The following GUCY2C variants were observed in gnomAD, a reference collection of about 807,000 sequenced individuals.
GUCY2C encodes the protein guanylyl cyclase C.
Under a neutral mutation model 131.1 loss-of-function variants are expected in GUCY2C, and 118 were observed. The ratio of observed to expected loss-of-function variants is 0.90; its 90% CI spans 0.78 to 1.05. The LOEUF (loss-of-function observed/expected upper bound fraction) is 1.05. Among genes scored for constraint, GUCY2C ranks in the 50% least tolerant of loss-of-function variants. The probability of loss-of-function intolerance (pLI) is 0.00; values close to 1 mark genes in which losing one functional copy is unlikely to be tolerated. For synonymous variants in GUCY2C, 452 were observed against 457.8 expected, an observed-to-expected ratio of 0.99 and a Z score of 0.16; for missense variants, 1,161 against 1,304.4, an observed-to-expected ratio of 0.89 and a Z score of 1.69.
At chr12:14,656,735 G>C (rs1947770373) in intron 11 of GUCY2C, 118 bp from the exon 12 acceptor site, 1 of 538,938 alleles carries the variant, frequency 1.9e-6, no homozygotes, top group African/African-American at 1.9e-5. Flanking sequence ...GTGAGGGAAG[G>C]TAGCCCAATG....
intron 23 of GUCY2C, among the ~76,000 whole-genome samples, chr12:14,620,822 A>T (rs1437057117): frequency 1.3e-5 from 2 of 152,320 alleles, no homozygotes; most frequent in African/African-American, 4.8e-5. Flanking sequence ...TTATCATGTC[A>T]GCAGTCAGTG....
intron 19 of GUCY2C, among the ~76,000 whole-genome samples, chr12:14,629,442 T>C (rs1947096605): frequency 6.6e-6 from 1 of 152,182 alleles, no homozygotes; most frequent in African/African-American, 2.4e-5. Flanking sequence ...ACTCAGACCT[T>C]AGTTGTAGAT....
chr12:14,629,157 G>C (rs1052828778), intron 19 of GUCY2C, among the ~76,000 whole-genome samples: 1 of 152,054 alleles, frequency 6.6e-6, no homozygotes, highest in African/African-American at 2.4e-5. Flanking sequence ...TGTAACAAAA[G>C]CCCACCAAGA....
chr12:14,624,882 C>T (rs1439918500), intron 21 of GUCY2C, among the ~76,000 whole-genome samples: 2 of 152,202 alleles, frequency 1.3e-5, no homozygotes. Flanking sequence ...GCCAATGAAA[C>T]CCTGGGAAGG....
intron 1 of GUCY2C, among the ~76,000 whole-genome samples, chr12:14,695,000 A>G (rs971187023): frequency 6.6e-6 from 1 of 152,132 alleles, no homozygotes; most frequent in Non-Finnish European, 1.5e-5. Context: ...TATCCCCCAA[A>G]TTAGGTAATT....
intron 7 of GUCY2C, among the ~76,000 whole-genome samples, chr12:14,675,907 C>T (rs755243198): frequency 1.2e-4 from 18 of 152,206 alleles, no homozygotes; most frequent in Non-Finnish European, 1.9e-4. Flanking sequence ...GAAAACATTT[C>T]ATGAGGTAAA....
At position 14,652,007 on chromosome 12, in the gene GUCY2C, C is replaced by T; in HGVS notation, c.1557G>A (p.Lys519=). Residue 519 remains lysine (K), a synonymous_variant, in exon 14 of 27, where the codon AAG becomes AAA. Coordinates refer to ENST00000261170, the MANE Select transcript of GUCY2C (RefSeq NM_004963.4). ...TTTCAGTGAAATTACCATCATTGTGCTTGAGATCTTTGAGAATCACTCGCT... is the reference window on the plus strand; with the variant it reads ...TTTCAGTGAAATTACCATCATTGTGTTTGAGATCTTTGAGAATCACTCGCT... ...DKKRVILKDL[K]HNDGNFTEKQ... is the part of the protein sequence containing the mutation. 6.2e-7 allele frequency: 1 copy of T among 1,602,822 alleles called. No individual in the cohort carries two copies. The highest frequency in any genetic ancestry group is 8.5e-7 in the Non-Finnish European group (1 of 1,170,226).
intron 8 of GUCY2C, chr12:14,674,292 A>C: frequency 2.9e-6 from 1 of 345,240 alleles, no homozygotes; most frequent in Non-Finnish European, 5.6e-6. Flanking sequence ...CCCAAATCAA[A>C]CTGCAAATGT....
chr12:14,652,306 C>G (rs1947678779), intron 13 of GUCY2C, among the ~76,000 whole-genome samples: 1 of 152,170 alleles, frequency 6.6e-6, no homozygotes, highest in African/African-American at 2.4e-5. Context: ...TCCCCAGTAG[C>G]TGGGACTACA....
intron 15 of GUCY2C, among the ~76,000 whole-genome samples, chr12:14,650,727 G>A (rs544040221): frequency 1.3e-5 from 2 of 152,192 alleles, no homozygotes; most frequent in South Asian, 4.1e-4. Context: ...ATAGTTAATG[G>A]CTTAATGTGT....
chr12:14,630,941 G>GAGGA (rs1256444602), intron 19 of GUCY2C, among the ~76,000 whole-genome samples: 3 of 152,200 alleles, frequency 2.0e-5, no homozygotes, highest in African/African-American at 7.2e-5. Flanking sequence ...AGGATATGCT[G>GAGGA]ATTGTGTGGA....
At chr12:14,652,243 C>T (rs1267394675) in intron 13 of GUCY2C, among the ~76,000 whole-genome samples, 1 of 152,014 alleles carries the variant, frequency 6.6e-6, no homozygotes, top group Non-Finnish European at 1.5e-5. Flanking sequence ...GGTGCAATCT[C>T]AGCTCACTTC....
chr12:14,696,211 A>G, intron 1 of GUCY2C, 21 bp downstream of exon 1: 2 of 1,577,736 alleles, frequency 1.3e-6, no homozygotes. Flanking sequence ...GTGGAGGAAG[A>G]TTCTATTAAC....
rs574654966 is a variant in GUCY2C at position 14,647,511 on chromosome 12, T to C, written c.1711-2196A>G. ...TTTATAATATGCTTGCTGAGTACGA[T>C]GTGAAATATTTCCACCCTGAATGAT... On this transcript the variant is annotated intron_variant, in intron 15 of 26. Coordinates refer to ENST00000261170, the MANE Select transcript of GUCY2C (RefSeq NM_004963.4). Among the ~76,000 whole-genome samples, 96 of 152,314 alleles carry C rather than the reference T, an allele frequency of 6.3e-4. 1 individual carries two copies. The highest frequency in any genetic ancestry group is 2.2e-3 in the African/African-American group (92 of 41,574).
chr12:14,691,022 A>G (rs1028714485), intron 1 of GUCY2C, among the ~76,000 whole-genome samples: 1 of 152,224 alleles, frequency 6.6e-6, no homozygotes, highest in Non-Finnish European at 1.5e-5. Flanking sequence ...TTTTAATAGC[A>G]CCTTTAAAAG....
chr12:14,693,043 C>A (rs1948601807), intron 1 of GUCY2C, among the ~76,000 whole-genome samples: 1 of 152,140 alleles, frequency 6.6e-6, no homozygotes, highest in Non-Finnish European at 1.5e-5. Flanking sequence ...AAATACTAAA[C>A]ATTTTTCAGA....
Position 14,651,430 on chromosome 12 carries a change from A to G in GUCY2C, c.1687T>C (p.Tyr563His). The change falls in exon 15 of 27, where the codon TAC becomes CAC. Residue 563 changes from tyrosine (Y) to histidine (H), a missense_variant. By Grantham distance (83) the Tyr-to-His change is moderately conservative. Transcript: ENST00000261170. ...LDTMIFGVIE[Y>H]CERGSLREVL... ...ACCCGGAGGGATCCTCTCTCACAGT[A>G]TTCTATCACCCCGAAGATCATGGTA... The G allele has an allele frequency of 6.3e-6, 10 of 1,585,800 alleles. No individual in the cohort carries two copies. Among genetic ancestry groups the G allele is most frequent in the Non-Finnish European group, 7.8e-6 (9 of 1,154,216 alleles).
chr12:14,640,060 A>G lies in GUCY2C; in HGVS notation c.2069-110T>C. ...CACTCCCCTGGATGGCTCTTAGCTC[A>G]GTGAGAGTGCTGCAGAGCCTAGACC... is the stretch of plus-strand genomic sequence containing the variant. On this transcript the variant is annotated intron_variant, in intron 18 of 26. Coordinates refer to ENST00000261170, the MANE Select transcript of GUCY2C (RefSeq NM_004963.4). 5.4e-6 allele frequency: 4 copies of G among 737,090 alleles called. 1 individual carries two copies. In the South Asian group the frequency reaches 6.2e-5, roughly 11 times the overall value. 45.7% of individuals were successfully genotyped at this position (737,090 alleles called of 1,614,324 possible).
intron 2 of GUCY2C, 80 bp from the exon 3 acceptor site, chr12:14,686,305 G>T: frequency 9.9e-7 from 1 of 1,012,140 alleles, no homozygotes; most frequent in Non-Finnish European, 1.5e-6. Context: ...CAAGGGGAAG[G>T]CTCCCAGAGG....
Sources: allele counts gnomAD v4.1 joint callset (sites outside exome capture counted in the v4.1 genomes callset), GRCh38; gene constraint gnomAD v4.1.1; transcripts MANE v1.5; gene names NCBI Gene and HGNC (gene_info 2026-07-23, HGNC 2026-07-21).